The following GSE1 variants were observed in gnomAD, a reference collection of about 807,000 sequenced individuals.
The protein encoded by GSE1 is Gse1 coiled-coil protein.
Under a neutral mutation model 112.6 loss-of-function variants are expected in GSE1, and 32 were observed. The observed-to-expected ratio is 0.28, with a 90% CI of 0.21 to 0.38. GSE1 has a LOEUF of 0.38. Ranked by LOEUF, GSE1 falls within the 10% of genes least tolerant of loss-of-function variation. The probability of loss-of-function intolerance (pLI) is 1.00; values close to 1 mark genes in which losing one functional copy is unlikely to be tolerated. For missense variants in GSE1, 2,348 were observed against 1,699.2 expected (o/e 1.38, Z -6.71); for synonymous variants, 1,115 against 735.6 (o/e 1.52, Z -8.35).
intron 1 of GSE1, among the ~76,000 whole-genome samples, chr16:85,597,427 A>C (rs2151465261): frequency 6.6e-6 from 1 of 150,970 alleles, no homozygotes; most frequent in Non-Finnish European, 1.5e-5. Context: ...AGAGAGCAGT[A>C]TTCTACAAGT....
chr16:85,569,980 G>A (rs938348280), intron 1 of GSE1, among the ~76,000 whole-genome samples: 4 of 152,158 alleles, frequency 2.6e-5, no homozygotes, highest in African/African-American at 7.2e-5. Context: ...TGTCGGAGGA[G>A]GACAGAGAAA....
At chr16:85,568,573 A>G (rs752452478) in intron 1 of GSE1, among the ~76,000 whole-genome samples, 1 of 152,184 alleles carries the variant, frequency 6.6e-6, no homozygotes, top group Non-Finnish European at 1.5e-5. Flanking sequence ...ATGAATATTC[A>G]TCGTTGACTT....
chr16:85,465,849 C>G (rs543269087), intron 2 of GSE1, among the ~76,000 whole-genome samples: 26 of 152,358 alleles, frequency 1.7e-4, no homozygotes, highest in Admixed American at 5.9e-4. Flanking sequence ...AAATGTTTGT[C>G]ATATGACTAG....
chr16:85,416,071 C>T (rs896650994), intron 2 of GSE1, among the ~76,000 whole-genome samples: 3 of 152,104 alleles, frequency 2.0e-5, no homozygotes, highest in Non-Finnish European at 4.4e-5. Flanking sequence ...GCATTAAAGC[C>T]GGGCCTATAA....
At chr16:85,559,955 G>A (rs374699753) in intron 1 of GSE1, among the ~76,000 whole-genome samples, 2 of 152,116 alleles carry the variant, frequency 1.3e-5, no homozygotes, top group Non-Finnish European at 2.9e-5. Context: ...GTTTGCCCAC[G>A]CTCTGTTGCA....
rs1426221103 is a variant in GSE1 at position 85,654,909 on chromosome 16, C to G, written c.715C>G (p.Leu239Val). The G allele has an allele frequency of 3.1e-6, 5 of 1,611,846 alleles. No homozygotes were observed. The highest frequency in any genetic ancestry group is 1.7e-5 in the Admixed American group (1 of 59,994). ...DDLRMSSLPP[L>V]GLDPATAAAY... ...CCTCCGCATGTCCTCACTGCCTCCC[C>G]TCGGCCTGGACCCGGCCACTGCTGC... Residue 239 changes from leucine (L) to valine (V), a missense_variant, in exon 5 of 16, where the codon CTC becomes GTC. Physicochemically the swap from Leu to Val is conservative, Grantham distance 32. Transcript: ENST00000253458.
chr16:85,396,946 C>A (rs1271201227), intron 2 of GSE1, among the ~76,000 whole-genome samples: 1 of 152,084 alleles, frequency 6.6e-6, no homozygotes, highest in Non-Finnish European at 1.5e-5. Flanking sequence ...AGGAAGACAC[C>A]CAGGCAGAGA....
intron 2 of GSE1, among the ~76,000 whole-genome samples, chr16:85,402,305 G>T (rs1454082551): frequency 6.6e-6 from 1 of 152,208 alleles, no homozygotes; most frequent in East Asian, 1.9e-4. Flanking sequence ...AGAAGCTCGG[G>T]GGAGAGGAGT....
chr16:85,339,954 G>A (rs2046589824), intron 1 of GSE1, among the ~76,000 whole-genome samples: 1 of 152,194 alleles, frequency 6.6e-6, no homozygotes, highest in Non-Finnish European at 1.5e-5. Context: ...GCGGGGGCCA[G>A]ATAAATAATT....
chr16:85,321,210 G>A (rs2046100360), intron 1 of GSE1, among the ~76,000 whole-genome samples: 1 of 152,190 alleles, frequency 6.6e-6, no homozygotes, highest in Non-Finnish European at 1.5e-5. Context: ...TCCATCTGTA[G>A]CCTGAGTGAA....
At position 85,663,107 on chromosome 16, in the gene GSE1, C is replaced by T. The variant is rs147893018; in HGVS notation, c.2373+14C>T. 122 of 1,544,538 alleles carry T rather than the reference C, an allele frequency of 7.9e-5. No homozygotes were observed. In the African/African-American group the frequency reaches 1.6e-3, roughly 20 times the overall value. ...ACGTCCTCTGAGGTACTGGGCTCTC[C>T]TCCCCACGGACATGCTCTGGGCTGG... is the stretch of plus-strand genomic sequence containing the variant. On this transcript the variant is annotated intron_variant, in intron 10 of 15. Coordinates refer to ENST00000253458, the MANE Select transcript of GSE1 (RefSeq NM_014615.5).
At chr16:85,288,677 A>G (rs2045115044) in intron 1 of GSE1, among the ~76,000 whole-genome samples, 1 of 152,218 alleles carries the variant, frequency 6.6e-6, no homozygotes, top group Non-Finnish European at 1.5e-5. Flanking sequence ...GCTGGGGTGC[A>G]TAGAGGAAGA....
chr16:85,502,087 G>A (rs543468258), intron 2 of GSE1, among the ~76,000 whole-genome samples: 9 of 152,284 alleles, frequency 5.9e-5, no homozygotes, highest in African/African-American at 1.9e-4. Context: ...ATGGGGGTCC[G>A]TGGGAAGGGA....
intron 1 of GSE1, among the ~76,000 whole-genome samples, chr16:85,596,587 C>T (rs1195016427): frequency 1.3e-5 from 2 of 152,212 alleles, no homozygotes; most frequent in Non-Finnish European, 2.9e-5. Flanking sequence ...CTGCCCAATA[C>T]AGTAGCCACT....
chr16:85,545,255 G>C (rs1029956001), intron 2 of GSE1, among the ~76,000 whole-genome samples: 1 of 152,200 alleles, frequency 6.6e-6, no homozygotes, highest in Non-Finnish European at 1.5e-5. Context: ...TAGGAAGGAA[G>C]GCCTTTTGTC....
In GSE1 at chr16:85,622,963, G is replaced by C. The variant is rs148809778; in HGVS notation, c.7+9565G>C. On this transcript the variant is annotated intron_variant, in intron 1 of 15. Transcript: ENST00000253458. ...TGGTGTTGAGGAAGCTGGCTGGCCT[G>C]AGACCATAGGGAGGGGAGGGGTGCA... Among the ~76,000 whole-genome samples the C allele has an allele frequency of 2.9e-3, 445 of 152,282 alleles. 2 individuals carry two copies. Among genetic ancestry groups the C allele is most frequent in the African/African-American group, 0.01 (425 of 41,542 alleles).
chr16:85,185,439 G>A (rs2074680287), intron 1 of GSE1: 1 of 152,372 alleles, frequency 6.6e-6, no homozygotes, highest in Non-Finnish European at 1.5e-5. Context: ...CCTTGGCAGA[G>A]GACCTCCCAG....
chr16:85,561,294 A>G (rs1045476649), intron 1 of GSE1, among the ~76,000 whole-genome samples: 1 of 152,108 alleles, frequency 6.6e-6, no homozygotes, highest in East Asian at 1.9e-4. Flanking sequence ...TTGAGGTCAC[A>G]TGTGCGCTAA....
chr16:85,631,598 C>T (rs1174714997), intron 1 of GSE1, among the ~76,000 whole-genome samples: 2 of 152,080 alleles, frequency 1.3e-5, no homozygotes, highest in African/African-American at 2.4e-5. Context: ...GGACTGGCAT[C>T]TGCCTGCTGG....
Sources: gnomAD v4.1 joint callset for allele counts (sites outside exome capture counted in the v4.1 genomes callset) on GRCh38, gnomAD v4.1.1 for gene constraint, MANE v1.5 for transcripts, NCBI Gene and HGNC (gene_info 2026-07-23, HGNC 2026-07-21) for gene names.